The following GOLGA6D variants were observed in gnomAD, a reference collection of about 807,000 sequenced individuals.
GOLGA6D encodes the protein golgin A6 family member D.
Under a neutral mutation model 42.1 loss-of-function variants are expected in GOLGA6D, and 9 were observed. The observed-to-expected ratio is 0.21, with a 90% CI of 0.13 to 0.37. The LOEUF (loss-of-function observed/expected upper bound fraction) is 0.37. Ranked by LOEUF, GOLGA6D falls within the 10% of genes least tolerant of loss-of-function variation. The pLI, the probability that GOLGA6D is intolerant of heterozygous loss-of-function variation, is 1.00. For missense variants in GOLGA6D, 87 were observed against 420.8 expected, an observed-to-expected ratio of 0.21 and a Z score of 6.94; for synonymous variants, 39 against 167.3, an observed-to-expected ratio of 0.23 and a Z score of 5.92.
rs1158021792 is a variant in GOLGA6D, at chr15:75,294,408, G to T, written c.2015G>T (p.Gly672Val). Residue 672 changes from glycine to valine, a missense_variant, in exon 18 of 18, where the codon GGT (glycine) becomes GTT (valine). Transcript: ENST00000434739. ...CCTGCACCAGGAGTGGCCAGGGAGG[G>T]TTCTCCCCATAACAACCCCACTGTA... The part of the protein sequence containing the change: ...VEPAPGVARE[G>V]SPHNNPTVQQ... The T allele has an allele frequency of 1.9e-6, 3 of 1,599,100 alleles. No homozygotes were observed. Among genetic ancestry groups the T allele is most frequent in the African/African-American group, 1.5e-5 (1 of 66,850 alleles).
rs1263822789 is a variant in GOLGA6D, at chr15:75,294,385, T to C, written c.1992T>C (p.Pro664=). The C allele has an allele frequency of 1.1e-5, 18 of 1,598,506 alleles. 2 individuals are homozygous for C. Among genetic ancestry groups the C allele is most frequent in the Admixed American group, 8.6e-5 (5 of 58,114 alleles). The stretch of plus-strand genomic sequence containing the variant: ...TGAGCCTGGACAACAACGTGGAGCC[T>C]GCACCAGGAGTGGCCAGGGAGGGTT... ...YEVSLDNNVE[P]APGVAREGSP... Residue 664 remains proline (P), a synonymous_variant, in exon 18 of 18, where the codon CCT becomes CCC. Transcript: ENST00000434739.
Position 75,294,659 on chromosome 15 carries a change from T to G in GOLGA6D, c.*184T>G. On this transcript the variant is annotated 3_prime_UTR_variant, in exon 18 of 18. Transcript: ENST00000434739. ...TACTCCATTTGAATGCTAGAGCCAC[T>G]CACTTTTATTTGTGTTTCTAATTTA... 1 of 1,015,616 alleles carries G rather than the reference T, an allele frequency of 9.8e-7. No individual in the cohort carries two copies. Among genetic ancestry groups the G allele is most frequent in the Non-Finnish European group, 1.4e-6 (1 of 739,956 alleles). The allele number at this position is 1,015,616 out of a possible 1,614,324, so 62.9% of individuals were successfully genotyped here.
intron 7 of GOLGA6D, 88 bp from the exon 8 acceptor site, chr15:75,289,309 C>T (rs553695188): frequency 0.014 from 15,744 of 1,162,148 alleles, 1,488 homozygotes; most frequent in Middle Eastern, 0.049. Flanking sequence ...CTTTACTGAC[C>T]GAGTTGTATA....
the GOLGA6D span, among the ~76,000 whole-genome samples, chr15:75,277,794 C>T: frequency 6.8e-6 from 1 of 147,880 alleles, no homozygotes. Context: ...AGAGTGACAC[C>T]CTGTCTTAAA....
In GOLGA6D at chr15:75,289,039, T is replaced by TTA. The variant is rs2070868270; in HGVS notation, c.565-358_565-357insTA. 3.2e-5 allele frequency among the ~76,000 whole-genome samples: 4 copies of TTA among 123,890 alleles called. No homozygotes were observed. In the Admixed American group the frequency reaches 3.2e-4, roughly 10 times the overall value. 81.3% of individuals were successfully genotyped at this position (123,890 alleles called of 152,430 possible). ...CTTAACCTTGAACACTCGATGTTTT[T>TTA]CATCTACACAATAGAGGTAATCCTA... On this transcript the variant is annotated intron_variant, in intron 7 of 17. Coordinates refer to ENST00000434739, the MANE Select transcript of GOLGA6D (RefSeq NM_001145224.3).
chr15:75,278,955 CT>C (rs1362515391), upstream of GOLGA6D, among the ~76,000 whole-genome samples: 1 of 149,384 alleles, frequency 6.7e-6, no homozygotes, highest in Non-Finnish European at 1.5e-5. Flanking sequence ...GATGACAAAG[CT>C]GGTTCTGATA....
At chr15:75,294,311 G>C (rs746932131) in intron 17 of GOLGA6D, 37 bp from the exon 18 acceptor site, 11 of 1,555,952 alleles carry the variant, frequency 7.1e-6, no homozygotes, top group Admixed American at 1.9e-5. Context: ...GGGGAGGCTC[G>C]CACTGTGCTC....
At chr15:75,288,902 A>AT (rs1231937256) in intron 7 of GOLGA6D, among the ~76,000 whole-genome samples, 1 of 138,346 alleles carries the variant, frequency 7.2e-6, no homozygotes, top group African/African-American at 2.9e-5. Flanking sequence ...CAAAAGATTA[A>AT]TTTCCCCCTT....
At chr15:75,281,510 TCTG>T (rs1429555795), upstream of GOLGA6D, among the ~76,000 whole-genome samples, 1 of 49,650 alleles carries the variant, frequency 2.0e-5, no homozygotes, top group Admixed American at 2.6e-4. Context: ...GTTCTCAGGT[TCTG>T]CTGCTGCTGC....
upstream of GOLGA6D, among the ~76,000 whole-genome samples, chr15:75,278,780 T>C (rs1206144079): frequency 2.0e-5 from 3 of 151,870 alleles, no homozygotes; most frequent in East Asian, 1.9e-4. Flanking sequence ...GGAAAAAATA[T>C]GCAGTGTAGC....
rs201679690 is a variant in GOLGA6D at position 75,293,804 on chromosome 15, C to T, written c.1669C>T (p.Gln557Ter). The T allele has an allele frequency of 1.7e-3, 2,806 of 1,605,628 alleles. 45 individuals carry two copies. The highest frequency in any genetic ancestry group is 5.6e-3 in the South Asian group (508 of 90,812). ...GGAGAGACGAGAGCTTGGATTCGTC[C>T]AGCCTTCTGGAGTGACAGACGGCAT... ...QVERRELGFV[Q>*]PSGVTDGMRE... is the part of the protein sequence containing the mutation. Residue 557 changes from glutamine (Q) to a stop codon, truncating the protein, a stop_gained, in exon 15 of 18, where the codon CAG becomes TAG. Coordinates refer to ENST00000434739, the MANE Select transcript of GOLGA6D (RefSeq NM_001145224.3). LOFTEE classifies it high-confidence loss of function.
At chr15:75,293,529 C>T (rs529616898) in intron 14 of GOLGA6D, among the ~76,000 whole-genome samples, 200 bp from the exon 15 acceptor site, 4 of 144,888 alleles carry the variant, frequency 2.8e-5, no homozygotes, top group African/African-American at 1.1e-4. Flanking sequence ...ATCTGGTGGC[C>T]TTGGCCTGGA....
In GOLGA6D at chr15:75,289,330, C is replaced by T. The variant is rs1202073878; in HGVS notation, c.565-67C>T. 18 of 1,443,926 alleles carry T rather than the reference C, an allele frequency of 1.2e-5. 3 individuals carry two copies. In the Admixed American group the frequency reaches 2.6e-4, roughly 21 times the overall value. The allele number at this position is 1,443,926 out of a possible 1,614,324, so 89.4% of individuals were successfully genotyped here. A position where few individuals can be genotyped will look rare whatever the true frequency, so the allele number is the denominator to read the frequency against. On this transcript the variant is annotated intron_variant, in intron 7 of 17. Coordinates refer to ENST00000434739, the MANE Select transcript of GOLGA6D (RefSeq NM_001145224.3). ...TGACCGAGTTGTATATTGAGCCTAG[C>T]CCTAGCCCTTTTAAGGGGCACTGCC... is the stretch of plus-strand genomic sequence containing the variant.
At chr15:75,288,696 C>T (rs1195745000) in intron 7 of GOLGA6D, among the ~76,000 whole-genome samples, 1 of 122,926 alleles carries the variant, frequency 8.1e-6, no homozygotes, top group Non-Finnish European at 1.7e-5. Flanking sequence ...TAGTATGTTA[C>T]CATTTCTGTA....
the GOLGA6D span, among the ~76,000 whole-genome samples, chr15:75,276,280 G>A: frequency 2.1e-3 from 317 of 150,740 alleles, 1 homozygote; most frequent in African/African-American, 6.3e-3. Context: ...GCAGGCTCTG[G>A]CGGTGGCCAT....
In GOLGA6D at chr15:75,294,460, C is replaced by T; in HGVS notation, c.2067C>T (p.Val689=). ...AGCAGATCGTGCAGCTGTCTCCTGTCATGCAGGACACCTAGGAGCACCCAG... is the reference window on the plus strand; with the variant it reads ...AGCAGATCGTGCAGCTGTCTCCTGTTATGCAGGACACCTAGGAGCACCCAG... ...TVQQIVQLSP[V]MQDT Residue 689 remains valine, a synonymous_variant, in exon 18 of 18, where the codon GTC becomes GTT. Coordinates refer to ENST00000434739, the MANE Select transcript of GOLGA6D (RefSeq NM_001145224.3). 2 of 1,595,632 alleles carry T rather than the reference C, an allele frequency of 1.3e-6. No homozygotes were observed. The highest frequency in any genetic ancestry group is 1.7e-6 in the Non-Finnish European group (2 of 1,174,094).
Position 75,294,512 on chromosome 15 carries a change from T to G in GOLGA6D, c.*37T>G, listed in dbSNP as rs1226262256. 1.3e-6 allele frequency: 2 copies of G among 1,519,084 alleles called. No individual in the cohort carries two copies. Among genetic ancestry groups the G allele is most frequent in the Non-Finnish European group, 8.8e-7 (1 of 1,131,872 alleles). The allele number at this position is 1,519,084 out of a possible 1,614,324, so 94.1% of individuals were successfully genotyped here. ...CTTGCCCAGCAAACCCTGCGTGCCA[T>G]TCTTCTACCAGGCAGCCGAGAACAG... is the stretch of plus-strand genomic sequence containing the variant. On this transcript the variant is annotated 3_prime_UTR_variant, in exon 18 of 18. Transcript: ENST00000434739.
intron 7 of GOLGA6D, among the ~76,000 whole-genome samples, chr15:75,288,570 C>T (rs2070864326): frequency 7.2e-6 from 1 of 139,772 alleles, no homozygotes; most frequent in Admixed American, 7.3e-5. Flanking sequence ...GGAGTGAGCA[C>T]TGGATGCAGA....
At position 75,294,458 on chromosome 15, in the gene GOLGA6D, G is replaced by A. The variant is rs2070895137; in HGVS notation, c.2065G>A (p.Val689Ile). 2 of 1,596,050 alleles carry A rather than the reference G, an allele frequency of 1.3e-6. No individual in the cohort carries two copies. Among genetic ancestry groups the A allele is most frequent in the Non-Finnish European group, 1.7e-6 (2 of 1,174,350 alleles). Residue 689 changes from valine to isoleucine, a missense_variant, in exon 18 of 18, where the codon GTC (valine) becomes ATC (isoleucine). Val to Ile is a conservative substitution (Grantham distance 29). Transcript: ENST00000434739. ...TVQQIVQLSP[V>I]MQDT ...ACAGCAGATCGTGCAGCTGTCTCCTGTCATGCAGGACACCTAGGAGCACCC... is the reference window on the plus strand; with the variant it reads ...ACAGCAGATCGTGCAGCTGTCTCCTATCATGCAGGACACCTAGGAGCACCC...
Sources: gnomAD v4.1 joint callset for allele counts (sites outside exome capture counted in the v4.1 genomes callset) on GRCh38, gnomAD v4.1.1 for gene constraint, MANE v1.5 for transcripts, NCBI Gene and HGNC (gene_info 2026-07-23, HGNC 2026-07-21) for gene names.